Variants in DPP10 observed in about 807,000 individuals in gnomAD.
DPP10 encodes the protein dipeptidyl peptidase like 10.
Under a neutral mutation model 120.9 loss-of-function variants are expected in DPP10, and 33 were observed. The ratio of observed to expected loss-of-function variants is 0.27; its 90% confidence interval spans 0.21 to 0.37. The LOEUF (loss-of-function observed/expected upper bound fraction) is 0.37. DPP10 is among the 10% of genes least tolerant of loss of function. The probability of loss-of-function intolerance (pLI) is 1.00; values close to 1 mark genes in which losing one functional copy is unlikely to be tolerated. For missense variants in DPP10, 816 were observed against 942.8 expected (o/e 0.87, Z 1.76); for synonymous variants, 337 against 326.1 (o/e 1.03, Z -0.36).
intron 4 of DPP10, among the ~76,000 whole-genome samples, chr2:115,517,331 A>G (rs2077557966): frequency 1.3e-5 from 2 of 152,164 alleles, no homozygotes; most frequent in African/African-American, 4.8e-5. Flanking sequence ...AAATTAATTC[A>G]CTATGTAAAT....
At chr2:115,414,651 T>C (rs1000203379) in intron 3 of DPP10, among the ~76,000 whole-genome samples, 1 of 152,168 alleles carries the variant, frequency 6.6e-6, no homozygotes, top group African/African-American at 2.4e-5. Flanking sequence ...TCAAACGGAA[T>C]TGAGTAATAT....
chr2:114,557,639 G>T (rs556308433), intron 1 of DPP10, among the ~76,000 whole-genome samples: 3 of 152,198 alleles, frequency 2.0e-5, no homozygotes, highest in Admixed American at 6.5e-5. Context: ...CCAGAGATTG[G>T]AGAGTAGTGT....
chr2:115,068,825 T>C (rs1482145461), intron 1 of DPP10, among the ~76,000 whole-genome samples: 1 of 152,188 alleles, frequency 6.6e-6, no homozygotes, highest in Admixed American at 6.5e-5. Flanking sequence ...TGAAAAGACT[T>C]TCCCCATTGC....
Position 115,382,648 on chromosome 2 carries a change from T to G in DPP10, c.271+38736T>G, listed in dbSNP as rs138559517. Among the ~76,000 whole-genome samples the G allele has an allele frequency of 5.3e-5, 8 of 152,196 alleles. 1 individual carries two copies. The highest frequency in any genetic ancestry group is 1.9e-4 in the African/African-American group (8 of 41,534). On this transcript the variant is annotated intron_variant, in intron 3 of 25. Coordinates refer to ENST00000410059, the MANE Select transcript of DPP10 (RefSeq NM_020868.6). Reference sequence around the variant, plus strand: ...TCTCTTCCTAGAAAATTGCTTTTAATGAAGGAGAGGTATGAGGTAAAAGTA... The same window carrying G: ...TCTCTTCCTAGAAAATTGCTTTTAAGGAAGGAGAGGTATGAGGTAAAAGTA...
At chr2:115,505,103 G>A (rs1192893424) in intron 4 of DPP10, among the ~76,000 whole-genome samples, 1 of 151,952 alleles carries the variant, frequency 6.6e-6, no homozygotes, top group African/African-American at 2.4e-5. Context: ...TATCTCAGAT[G>A]GTAGGACCAT....
chr2:115,029,203 TGC>T (rs1703674506), intron 1 of DPP10, among the ~76,000 whole-genome samples: 1 of 152,092 alleles, frequency 6.6e-6, no homozygotes, highest in Admixed American at 6.6e-5. Flanking sequence ...TTTAATTTGT[TGC>T]TTTTTATTTT....
intron 1 of DPP10, among the ~76,000 whole-genome samples, chr2:114,498,413 TCAAA>T (rs1356256403): frequency 6.6e-6 from 1 of 152,196 alleles, no homozygotes; most frequent in Non-Finnish European, 1.5e-5. Flanking sequence ...AACTGAGATC[TCAAA>T]CAAACTCAAA....
At chr2:115,021,115 GA>G (rs932179923) in intron 1 of DPP10, among the ~76,000 whole-genome samples, 119 of 152,004 alleles carry the variant, frequency 7.8e-4, no homozygotes, top group African/African-American at 2.8e-3. Flanking sequence ...CAGAACTAGA[GA>G]AACAAGAACA....
intron 1 of DPP10, among the ~76,000 whole-genome samples, chr2:115,118,290 A>G (rs1006380978): frequency 3.3e-5 from 5 of 152,262 alleles, no homozygotes; most frequent in African/African-American, 1.2e-4. Flanking sequence ...TTTTACCTAG[A>G]CCATTTATTT....
At chr2:115,467,748 G>C (rs1252127681) in intron 3 of DPP10, among the ~76,000 whole-genome samples, 5 of 152,198 alleles carry the variant, frequency 3.3e-5, no homozygotes, top group Non-Finnish European at 7.3e-5. Context: ...GACACTTGAA[G>C]TGTTGACTTT....
At chr2:115,625,823 TA>T in intron 5 of DPP10, among the ~76,000 whole-genome samples, 1 of 152,014 alleles carries the variant, frequency 6.6e-6, no homozygotes, top group Admixed American at 6.5e-5. Flanking sequence ...TATTTGGCCA[TA>T]AAAAAGAATG....
intron 1 of DPP10, among the ~76,000 whole-genome samples, chr2:115,082,040 T>C (rs888349678): frequency 6.6e-6 from 1 of 152,220 alleles, no homozygotes; most frequent in Non-Finnish European, 1.5e-5. Flanking sequence ...AAATGTCTTA[T>C]TGTCTTGTTG....
chr2:114,743,660 T>C (rs1285011415), intron 1 of DPP10, among the ~76,000 whole-genome samples: 1 of 152,190 alleles, frequency 6.6e-6, no homozygotes, highest in Non-Finnish European at 1.5e-5. Context: ...GTTCTCTTTG[T>C]GACTGTTTTC....
At chr2:115,765,207 A>G (rs1219111489) in intron 12 of DPP10, among the ~76,000 whole-genome samples, 2 of 152,128 alleles carry the variant, frequency 1.3e-5, no homozygotes. Flanking sequence ...AACTACTTCT[A>G]AGGTACTAGA....
intron 1 of DPP10, among the ~76,000 whole-genome samples, chr2:114,612,839 AGAGTT>A (rs1159625951): frequency 2.6e-5 from 4 of 152,194 alleles, no homozygotes; most frequent in African/African-American, 4.8e-5. Context: ...TTATGTATAT[AGAGTT>A]ATTTCTAAAT....
Position 115,777,310 on chromosome 2 carries a change from T to C in DPP10, c.1313+11T>C. On this transcript the variant is annotated intron_variant, in intron 14 of 25. Transcript: ENST00000410059. ...AACTACTCAAAAAATGTGAGTGTTTTCAGTTCTCTAGTCAGGCTGCAAGTT... is the reference window on the plus strand; with the variant it reads ...AACTACTCAAAAAATGTGAGTGTTTCCAGTTCTCTAGTCAGGCTGCAAGTT... 1.2e-6 allele frequency: 2 copies of C among 1,608,442 alleles called. No individual in the cohort carries two copies. Among genetic ancestry groups the C allele is most frequent in the Middle Eastern group, 3.3e-4 (2 of 6,034 alleles).
chr2:115,567,121 CT>C lies in DPP10; in HGVS notation c.441+41159del, dbSNP rs538522167. On this transcript the variant is annotated intron_variant, in intron 5 of 25. Coordinates refer to ENST00000410059, the MANE Select transcript of DPP10 (RefSeq NM_020868.6). ...ACAGATTTCAAGTACTATTTGGTGT[CT>C]TTTTTTTTTCTTTTCAGCACATCTT... Among the ~76,000 whole-genome samples, 469 of 148,934 alleles carry C rather than the reference CT, an allele frequency of 3.1e-3. 1 individual carries two copies. The highest frequency in any genetic ancestry group is 0.011 in the African/African-American group (443 of 40,716).
At chr2:114,752,560 G>A (rs772279146) in intron 1 of DPP10, among the ~76,000 whole-genome samples, 17 of 152,110 alleles carry the variant, frequency 1.1e-4, no homozygotes, top group Non-Finnish European at 2.2e-4. Context: ...GTTACTCACC[G>A]CCAAGAGCCT....
At chr2:115,301,923 G>A (rs2061155891) in intron 1 of DPP10, among the ~76,000 whole-genome samples, 1 of 151,908 alleles carries the variant, frequency 6.6e-6, no homozygotes, top group Non-Finnish European at 1.5e-5. Context: ...ATTCATCTAG[G>A]AGTGTGTATG....
Sources: gnomAD v4.1 joint callset for allele counts (sites outside exome capture counted in the v4.1 genomes callset) on GRCh38, gnomAD v4.1.1 for gene constraint, MANE v1.5 for transcripts, NCBI Gene and HGNC (gene_info 2026-07-23, HGNC 2026-07-21) for gene names.